Variants in PTBP1 observed in about 807,000 individuals in gnomAD.
The protein encoded by PTBP1 is polypyrimidine tract-binding protein 1.
PTBP1 carries 8 observed loss-of-function variants against 59.8 expected under a neutral mutation model. The observed-to-expected ratio is 0.13, with a 90% CI of 0.08 to 0.24. The LOEUF (loss-of-function observed/expected upper bound fraction) is 0.24, where lower values mean the gene tolerates loss of function less well. Ranked by LOEUF, PTBP1 falls within the 10% of genes least tolerant of loss-of-function variation. The pLI is 1.00. For missense variants in PTBP1, 686 were observed against 767.0 expected (o/e 0.89, Z 1.25); for synonymous variants, 490 against 320.7 (o/e 1.53, Z -5.64).
chr19:805,640 C>G, intron 9 of PTBP1, 71 bp downstream of exon 9: 2 of 1,348,342 alleles, frequency 1.5e-6, no homozygotes, highest in Non-Finnish European at 2.1e-6. Context: ...AGCTCCGCAT[C>G]CACGGCGGCA....
Position 808,597 on chromosome 19 carries a change from C to T in PTBP1, c.1298C>T (p.Thr433Met), listed in dbSNP as rs1281722618. The T allele has an allele frequency of 6.2e-7, 1 of 1,608,032 alleles. No homozygotes were observed. Among genetic ancestry groups the T allele is most frequent in the Non-Finnish European group, 8.5e-7 (1 of 1,178,550 alleles). Residue 433 changes from threonine (T) to methionine (M), a missense_variant, in exon 13 of 15, where the codon ACG becomes ATG. Transcript: ENST00000356948. The surrounding 1 kb of genome is among the most constrained non-coding windows in gnomAD (Gnocchi z 4.7). ...HKLHGKPIRITLSKHQNVQLP... is the reference protein window; with the variant it reads ...HKLHGKPIRIMLSKHQNVQLP... ...CTGCACGGGAAGCCCATCCGCATCA[C>T]GCTCTCGAAGCACCAGAACGTGCAG...
At chr19:803,370 A>G (rs2034422428) in intron 2 of PTBP1, among the ~76,000 whole-genome samples, 191 bp from the exon 3 acceptor site, 1 of 152,086 alleles carries the variant, frequency 6.6e-6, no homozygotes, top group Non-Finnish European at 1.5e-5. Flanking sequence ...TTGGTCGTGG[A>G]GCTGTGGGGT....
intron 9 of PTBP1, 162 bp from the exon 10 acceptor site, chr19:806,246 C>T (rs572682475): frequency 8.4e-6 from 6 of 711,416 alleles, no homozygotes; most frequent in East Asian, 7.0e-5. Flanking sequence ...GGTGGCTGTG[C>T]GGGGGTCGGA....
chr19:807,784 C>T (rs571816516), intron 10 of PTBP1, 85 bp from the exon 11 acceptor site: 7 of 1,040,818 alleles, frequency 6.7e-6, no homozygotes, highest in South Asian at 6.6e-5. Flanking sequence ...GGACTGTCTT[C>T]CTCGTGTGGA....
chr19:811,598 C>T lies in PTBP1; in HGVS notation c.*772C>T, dbSNP rs755125121. On this transcript the variant is annotated 3_prime_UTR_variant, in exon 15 of 15. Transcript: ENST00000356948. Reference sequence around the variant, plus strand: ...TAATCTAAACTTCCTTGTGGTATTACCTTGTATGCTGTTACTTTTATTTTA... The same window carrying T: ...TAATCTAAACTTCCTTGTGGTATTATCTTGTATGCTGTTACTTTTATTTTA... 2.0e-5 allele frequency: 3 copies of T among 152,352 alleles called. No homozygotes were observed. The highest frequency in any genetic ancestry group is 4.4e-5 in the Non-Finnish European group (3 of 68,048). The allele number at this position is 152,352 out of a possible 1,614,324, so 9.4% of individuals were successfully genotyped here.
At chr19:803,443 G>A (rs2034425568) in intron 2 of PTBP1, 118 bp from the exon 3 acceptor site, 1 of 792,670 alleles carries the variant, frequency 1.3e-6, no homozygotes. Context: ...TGTGGGTGTG[G>A]GTATGGGTTG....
In PTBP1 at chr19:811,051, G is replaced by A. The variant is rs1406421917; in HGVS notation, c.*225G>A. 6 of 475,728 alleles carry A rather than the reference G, an allele frequency of 1.3e-5. No homozygotes were observed. The highest frequency in any genetic ancestry group is 7.6e-5 in the South Asian group (2 of 26,156). The allele number at this position is 475,728 out of a possible 1,614,324, so 29.5% of individuals were successfully genotyped here. ...GGTGACTGTGGCAGCGGGAGTTCCC[G>A]GCCCTCCACACCCGGGGCCAGACCC... On this transcript the variant is annotated 3_prime_UTR_variant, in exon 15 of 15. Coordinates refer to ENST00000356948, the MANE Select transcript of PTBP1 (RefSeq NM_002819.5).
Position 808,978 on chromosome 19 carries a change from G to A in PTBP1, c.1463+216G>A, listed in dbSNP as rs1428387895. On this transcript the variant is annotated intron_variant, in intron 13 of 14. Coordinates refer to ENST00000356948, the MANE Select transcript of PTBP1 (RefSeq NM_002819.5). The surrounding 1 kb of genome is among the most constrained non-coding windows in gnomAD (Gnocchi z 4.7). ...CTTTGGAGGTTTTGGCTCAGGGGAT[G>A]CTCCCTGTGAGAATGTATAATGCAC... Among the ~76,000 whole-genome samples the A allele has an allele frequency of 6.6e-6, 1 of 152,138 alleles. No individual in the cohort carries two copies. Among genetic ancestry groups the A allele is most frequent in the African/African-American group, 2.4e-5 (1 of 41,442 alleles).
intron 9 of PTBP1, chr19:805,770 T>C (rs1175135768): frequency 1.7e-6 from 1 of 588,258 alleles, no homozygotes; most frequent in Non-Finnish European, 3.0e-6. Context: ...GAGGCCCACG[T>C]GTGGACGGCG....
intron 1 of PTBP1, chr19:798,568 C>T (rs1046534435): frequency 1.1e-4 from 17 of 152,220 alleles, no homozygotes; most frequent in African/African-American, 4.1e-4. Flanking sequence ...GACGGCGAGA[C>T]GAGGGCTCCC....
intron 9 of PTBP1, 36 bp from the exon 10 acceptor site, chr19:806,372 G>C (rs920089689): frequency 6.4e-7 from 1 of 1,572,844 alleles, no homozygotes; most frequent in African/African-American, 1.4e-5. Flanking sequence ...GTGGAGTCGG[G>C]GGCGCCGCCG....
intron 8 of PTBP1, 112 bp from the exon 9 acceptor site, chr19:805,380 C>G: frequency 8.0e-7 from 1 of 1,249,226 alleles, no homozygotes; most frequent in Admixed American, 1.8e-5. Context: ...GATCTGCCCG[C>G]GAAGGCTCTG....
intron 10 of PTBP1, 84 bp downstream of exon 10, chr19:806,640 G>C: frequency 7.5e-7 from 1 of 1,331,032 alleles, no homozygotes; most frequent in South Asian, 1.6e-5. Context: ...TCCCGGAGCA[G>C]CGCCGCCCCT....
At chr19:806,633 C>T (rs2034592242) in intron 10 of PTBP1, 77 bp downstream of exon 10, 12 of 1,369,080 alleles carry the variant, frequency 8.8e-6, no homozygotes, top group South Asian at 6.3e-5. Context: ...GCTCGGGTCC[C>T]GGAGCAGCGC....
chr19:810,912 T>C lies in PTBP1; in HGVS notation c.*86T>C. On this transcript the variant is annotated 3_prime_UTR_variant, in exon 15 of 15. Coordinates refer to ENST00000356948, the MANE Select transcript of PTBP1 (RefSeq NM_002819.5). ...CACTTTAAAAACAGCTGAAGTGACC[T>C]TAGCAGACCAGAGATTTTATTTTTT... The C allele has an allele frequency of 8.0e-7, 1 of 1,246,676 alleles. No homozygotes were observed. The highest frequency in any genetic ancestry group is 1.1e-6 in the Non-Finnish European group (1 of 928,534). The allele number at this position is 1,246,676 out of a possible 1,614,324, so 77.2% of individuals were successfully genotyped here.
intron 4 of PTBP1, 35 bp downstream of exon 4, chr19:804,243 C>A (rs376778405): frequency 6.2e-7 from 1 of 1,609,600 alleles, no homozygotes; most frequent in Non-Finnish European, 8.5e-7. Context: ...GTGCTCACAC[C>A]GTGCAGGCGG....
chr19:805,333 C>T lies in PTBP1; in HGVS notation c.892+146C>T, dbSNP rs886299826. 11 of 1,207,360 alleles carry T rather than the reference C, an allele frequency of 9.1e-6. No individual in the cohort carries two copies. The African/African-American group carries it at 1.5e-4, about 17-fold the overall frequency. The allele number at this position is 1,207,360 out of a possible 1,614,324, so 74.8% of individuals were successfully genotyped here. ...CGGCCAGCACAGCACGGTCCAGTGT[C>T]CCCCACGTCGGGACCACGGCCCCCC... On this transcript the variant is annotated intron_variant, in intron 8 of 14. Transcript: ENST00000356948.
chr19:807,938 C>T (rs780189602), intron 11 of PTBP1, 36 bp downstream of exon 11: 2 of 1,580,610 alleles, frequency 1.3e-6, no homozygotes, highest in Admixed American at 1.7e-5. Flanking sequence ...ACCTTGTTTT[C>T]ATTAATTGAG....
intron 13 of PTBP1, among the ~76,000 whole-genome samples, chr19:809,128 C>T (rs1440220434): frequency 1.8e-4 from 28 of 152,178 alleles, no homozygotes; most frequent in Admixed American, 1.3e-3. Flanking sequence ...GCCACCTCAG[C>T]TTCCCGAGTA....
Sources: allele counts gnomAD v4.1 joint callset (sites outside exome capture counted in the v4.1 genomes callset), GRCh38; gene constraint gnomAD v4.1.1; non-coding constraint Gnocchi (gnomAD v3.1); transcripts MANE v1.5; gene names NCBI Gene and HGNC (gene_info 2026-07-23, HGNC 2026-07-21).